The following MDGA2 variants were observed in gnomAD, a reference collection of about 807,000 sequenced individuals.
MDGA2 encodes MAM domain-containing glycosylphosphatidylinositol anchor protein 2.
MDGA2 carries 40 observed loss-of-function variants against 117.8 expected under a neutral mutation model. The observed-to-expected ratio is 0.34, with a 90% CI of 0.26 to 0.44. The LOEUF is 0.44. Among genes scored for constraint, MDGA2 ranks in the 20% least tolerant of loss-of-function variants. The pLI is 1.00. For synonymous variants in MDGA2, 452 were observed against 439.0 expected (o/e 1.03, Z -0.37); for missense variants, 1,123 against 1,250.6 (o/e 0.90, Z 1.54).
intron 7 of MDGA2, among the ~76,000 whole-genome samples, chr14:47,039,891 T>C (rs1888999530): frequency 6.6e-6 from 1 of 151,264 alleles, no homozygotes; most frequent in Admixed American, 6.6e-5. Context: ...AATAACTACA[T>C]ATTAGCTCTC....
intron 1 of MDGA2, among the ~76,000 whole-genome samples, chr14:47,591,643 C>T (rs759801799): frequency 6.6e-5 from 10 of 151,996 alleles, no homozygotes; most frequent in East Asian, 3.9e-4. Context: ...GTTCAAAATA[C>T]GCAAATCAAT....
At chr14:47,190,111 C>A (rs1166164967) in intron 3 of MDGA2, among the ~76,000 whole-genome samples, 1 of 152,170 alleles carries the variant, frequency 6.6e-6, no homozygotes, top group Non-Finnish European at 1.5e-5. Flanking sequence ...TGTCACTACA[C>A]CCAAAATGAG....
At chr14:46,975,822 G>T (rs139020444) in intron 8 of MDGA2, among the ~76,000 whole-genome samples, 2 of 152,016 alleles carry the variant, frequency 1.3e-5, no homozygotes, top group African/African-American at 2.4e-5. Context: ...AGTGTCTGAG[G>T]GGGGCCAGTT....
At chr14:47,296,065 A>C (rs1016134970) in intron 2 of MDGA2, among the ~76,000 whole-genome samples, 1 of 152,184 alleles carries the variant, frequency 6.6e-6, no homozygotes, top group African/African-American at 2.4e-5. Flanking sequence ...GCTAATGCTA[A>C]AAATATCATT....
chr14:46,999,178 A>C (rs1887411769), intron 8 of MDGA2, among the ~76,000 whole-genome samples: 1 of 151,936 alleles, frequency 6.6e-6, no homozygotes, highest in Admixed American at 6.6e-5. Context: ...TGGAATCAGA[A>C]GGCAAAAATT....
chr14:46,973,165 G>A (rs1268414230), intron 8 of MDGA2, among the ~76,000 whole-genome samples: 1 of 152,064 alleles, frequency 6.6e-6, no homozygotes, highest in African/African-American at 2.4e-5. Flanking sequence ...CGTTGCTGGT[G>A]GAAATGCAAA....
intron 9 of MDGA2, among the ~76,000 whole-genome samples, chr14:46,920,371 T>G (rs1475852071): frequency 6.6e-6 from 1 of 152,152 alleles, no homozygotes; most frequent in Non-Finnish European, 1.5e-5. Flanking sequence ...CACAAAGCAT[T>G]TGGCCTAAGT....
chr14:47,328,866 G>C (rs1890216718), intron 1 of MDGA2, among the ~76,000 whole-genome samples: 1 of 152,082 alleles, frequency 6.6e-6, no homozygotes, highest in African/African-American at 2.4e-5. Flanking sequence ...GAGAATATAA[G>C]TGTTTTGGAA....
intron 8 of MDGA2, among the ~76,000 whole-genome samples, chr14:46,964,776 A>G (rs925616477): frequency 1.3e-5 from 2 of 152,096 alleles, no homozygotes; most frequent in African/African-American, 4.8e-5. Context: ...CTGTCAAGTT[A>G]TATTTGTATT....
At chr14:47,325,902 T>C (rs779905830) in intron 1 of MDGA2, among the ~76,000 whole-genome samples, 2 of 152,126 alleles carry the variant, frequency 1.3e-5, no homozygotes, top group Admixed American at 6.6e-5. Flanking sequence ...GAAAGATGCA[T>C]TGGATCATTA....
At chr14:46,951,837 G>C (rs74476709) in intron 9 of MDGA2, among the ~76,000 whole-genome samples, 17,881 of 151,854 alleles carry the variant, frequency 0.12, 2,004 homozygotes, top group African/African-American at 0.27. Context: ...GAAACTGTGA[G>C]ACAATAAATA....
chr14:47,526,937 A>C (rs897032047), intron 1 of MDGA2, among the ~76,000 whole-genome samples: 12 of 152,166 alleles, frequency 7.9e-5, no homozygotes, highest in Non-Finnish European at 1.6e-4. Flanking sequence ...ATCTGCTTTG[A>C]GTTTTCACCC....
chr14:46,930,609 C>T (rs1357212221), intron 9 of MDGA2, among the ~76,000 whole-genome samples: 1 of 152,032 alleles, frequency 6.6e-6, no homozygotes, highest in African/African-American at 2.4e-5. Flanking sequence ...CTATTTATCA[C>T]GTGTACTTGA....
At chr14:46,870,497 C>G (rs1249780414) in intron 14 of MDGA2, among the ~76,000 whole-genome samples, 2 of 151,970 alleles carry the variant, frequency 1.3e-5, no homozygotes, top group African/African-American at 4.8e-5. Context: ...CAGCAGATCT[C>G]TCTAATGAAC....
At chr14:47,612,360 C>T (rs1424180016) in intron 1 of MDGA2, among the ~76,000 whole-genome samples, 2 of 152,070 alleles carry the variant, frequency 1.3e-5, no homozygotes, top group African/African-American at 4.8e-5. Flanking sequence ...TAGGAGGTTA[C>T]ATATACTCAT....
chr14:47,073,797 T>C (rs189231467), intron 6 of MDGA2, among the ~76,000 whole-genome samples: 2 of 152,192 alleles, frequency 1.3e-5, no homozygotes, highest in Non-Finnish European at 2.9e-5. Context: ...GAATTCGTAC[T>C]GTGCCAACTT....
intron 6 of MDGA2, among the ~76,000 whole-genome samples, chr14:47,087,224 T>C (rs978302155): frequency 6.6e-6 from 1 of 151,856 alleles, no homozygotes; most frequent in Non-Finnish European, 1.5e-5. Context: ...TATAGAATTA[T>C]AGATGGTTGG....
chr14:46,861,291 A>G (rs1881496665), intron 14 of MDGA2, among the ~76,000 whole-genome samples: 2 of 151,928 alleles, frequency 1.3e-5, no homozygotes, highest in African/African-American at 4.8e-5. Flanking sequence ...AGTAAAACAT[A>G]TTAATATGTG....
At position 47,135,486 on chromosome 14, in the gene MDGA2, C is replaced by T. The variant is rs1006509276; in HGVS notation, c.793-3640G>A. Among the ~76,000 whole-genome samples, 7 of 152,216 alleles carry T rather than the reference C, an allele frequency of 4.6e-5. No homozygotes were observed. The East Asian group carries it at 1.4e-3, about 29-fold the overall frequency. Reference sequence around the variant, plus strand: ...TGGAGTTGCAATGTTTGCTAGCATACATTATAGGACATACTTAAATTTTGG... The same window carrying T: ...TGGAGTTGCAATGTTTGCTAGCATATATTATAGGACATACTTAAATTTTGG... On this transcript the variant is annotated intron_variant, in intron 4 of 16. Transcript: ENST00000399232.
Sources: allele counts gnomAD v4.1 joint callset (sites outside exome capture counted in the v4.1 genomes callset), GRCh38; gene constraint gnomAD v4.1.1; transcripts MANE v1.5; gene names NCBI Gene and HGNC (gene_info 2026-07-23, HGNC 2026-07-21).